The following MYO6 variants were observed in gnomAD, a reference collection of about 807,000 sequenced individuals.
The protein encoded by MYO6 is myosin VI.
MYO6 carries 74 observed loss-of-function variants against 178.7 expected under a neutral mutation model. The observed-to-expected ratio is 0.41, with a 90% CI of 0.34 to 0.50. The LOEUF (loss-of-function observed/expected upper bound fraction) is 0.50. Among genes scored for constraint, MYO6 ranks in the 20% least tolerant of loss-of-function variants. The pLI, the probability that MYO6 is intolerant of heterozygous loss-of-function variation, is 0.09. For missense variants in MYO6, 1,330 were observed against 1,547.4 expected (o/e 0.86, Z 2.36); for synonymous variants, 477 against 504.6 (o/e 0.95, Z 0.73).
intron 30 of MYO6, among the ~76,000 whole-genome samples, chr6:75,905,302 C>T (rs1008924996): frequency 9.8e-5 from 15 of 152,314 alleles, no homozygotes; most frequent in African/African-American, 2.4e-4. Context: ...TGGGCAATGG[C>T]GGGCGCCCCT....
At chr6:75,907,429 T>C (rs1033127863) in intron 30 of MYO6, among the ~76,000 whole-genome samples, 176 bp from the exon 31 acceptor site, 1 of 152,232 alleles carries the variant, frequency 6.6e-6, no homozygotes, top group African/African-American at 2.4e-5. Flanking sequence ...AAATTTTTAA[T>C]TTATTTGGCC....
chr6:75,813,923 TC>T (rs911020234), intron 1 of MYO6, among the ~76,000 whole-genome samples: 4 of 152,062 alleles, frequency 2.6e-5, no homozygotes, highest in African/African-American at 9.7e-5. Context: ...CAAGACAAAG[TC>T]CCCTTTACCC....
intron 30 of MYO6, among the ~76,000 whole-genome samples, 172 bp from the exon 31 acceptor site, chr6:75,907,433 T>C (rs1780414839): frequency 6.6e-6 from 1 of 152,202 alleles, no homozygotes; most frequent in East Asian, 1.9e-4. Context: ...TTTTAATTTA[T>C]TTGGCCATCT....
In MYO6 at chr6:75,918,110, T is replaced by C. The variant is rs1781220048; in HGVS notation, c.*3098T>C. The C allele has an allele frequency of 1.3e-5, 2 of 152,240 alleles. No individual in the cohort carries two copies. Among genetic ancestry groups the C allele is most frequent in the Admixed American group, 6.5e-5 (1 of 15,286 alleles). The allele number at this position is 152,240 out of a possible 1,614,324, so 9.4% of individuals were successfully genotyped here. Reference sequence around the variant, plus strand: ...AAAAAGAACCAAAACAAACACTTTTTAGTGGCACCTGTGGATTTACAAAGG... The same window carrying C: ...AAAAAGAACCAAAACAAACACTTTTCAGTGGCACCTGTGGATTTACAAAGG... On this transcript the variant is annotated 3_prime_UTR_variant, in exon 35 of 35. Coordinates refer to ENST00000369977, the MANE Select transcript of MYO6 (RefSeq NM_004999.4).
intron 30 of MYO6, 50 bp downstream of exon 30, chr6:75,898,461 T>A: frequency 6.8e-7 from 1 of 1,462,664 alleles, no homozygotes; most frequent in Non-Finnish European, 9.6e-7. Flanking sequence ...AAAATCATAT[T>A]TTTAAATTAC....
intron 1 of MYO6, among the ~76,000 whole-genome samples, chr6:75,814,244 C>T (rs1365648569): frequency 6.6e-6 from 1 of 152,162 alleles, no homozygotes; most frequent in Admixed American, 6.5e-5. Flanking sequence ...TGTAGATTCT[C>T]TCACCATACC....
At chr6:75,857,806 G>A (rs1025350761) in intron 13 of MYO6, among the ~76,000 whole-genome samples, 3 of 152,176 alleles carry the variant, frequency 2.0e-5, no homozygotes, top group Non-Finnish European at 4.4e-5. Context: ...AATGAAATGG[G>A]TCACCAGCAT....
intron 7 of MYO6, among the ~76,000 whole-genome samples, chr6:75,837,560 A>G (rs922587082): frequency 1.3e-5 from 2 of 152,228 alleles, no homozygotes; most frequent in African/African-American, 4.8e-5. Context: ...TGGTTGAACA[A>G]AAACTTATTA....
chr6:75,835,983 C>T (rs200958076), intron 7 of MYO6, 27 bp downstream of exon 7: 96 of 1,512,080 alleles, frequency 6.3e-5, no homozygotes, highest in Middle Eastern at 5.1e-4. Flanking sequence ...AGTTGTTACG[C>T]GTGTACTGAA....
chr6:75,804,943 ATACACATATG>A (rs1309881318), intron 1 of MYO6, among the ~76,000 whole-genome samples: 1 of 147,336 alleles, frequency 6.8e-6, no homozygotes, highest in African/African-American at 2.5e-5. Flanking sequence ...ATATACATAT[ATACACATATG>A]TACACATATA....
intron 4 of MYO6, 117 bp downstream of exon 4, chr6:75,828,730 T>G: frequency 1.3e-6 from 1 of 754,444 alleles, no homozygotes; most frequent in South Asian, 1.5e-5. Flanking sequence ...CTGAGCCTCT[T>G]GAATAGAGTG....
At chr6:75,784,171 C>T (rs1033573823) in intron 1 of MYO6, among the ~76,000 whole-genome samples, 29 of 151,928 alleles carry the variant, frequency 1.9e-4, no homozygotes, top group African/African-American at 7.0e-4. Flanking sequence ...CGGGGTTTCA[C>T]CGTGTTAGCC....
intron 25 of MYO6, 127 bp from the exon 26 acceptor site, chr6:75,889,930 C>A (rs200974009): frequency 0.016 from 10,019 of 608,302 alleles, 1 homozygote; most frequent in Middle Eastern, 0.029. Context: ...TTGTAAAAAA[C>A]AATAAAAACA....
chr6:75,913,920 CAATA>C (rs1444747673), intron 33 of MYO6, 139 bp from the exon 34 acceptor site: 1 of 669,338 alleles, frequency 1.5e-6, no homozygotes, highest in African/African-American at 1.8e-5. Context: ...AATTTGTAGG[CAATA>C]AATATTTTCA....
Position 75,907,615 on chromosome 6 carries a change from G to C in MYO6, c.3187G>C (p.Val1063Leu). 6.2e-7 allele frequency: 1 copy of C among 1,612,612 alleles called. No individual in the cohort carries two copies. Among genetic ancestry groups the C allele is most frequent in the East Asian group, 2.2e-5 (1 of 44,840 alleles). ...GTGTAATAATTACAGAGGTCCTGCT[G>C]TACTAGCCACCAAAGCAGCTGCTGG... ...MSEFLSRGPAVLATKAAAGTK... is the reference protein window; with the variant it reads ...MSEFLSRGPALLATKAAAGTK... The change falls in exon 31 of 35, where the codon GTA (valine) becomes CTA (leucine). Residue 1063 changes from valine to leucine, a missense_variant. Physicochemically the swap from Val to Leu is conservative, Grantham distance 32. Coordinates refer to ENST00000369977, the MANE Select transcript of MYO6 (RefSeq NM_004999.4).
intron 28 of MYO6, chr6:75,894,756 A>G: frequency 6.5e-6 from 8 of 1,225,466 alleles, no homozygotes; most frequent in Non-Finnish European, 7.9e-6. Context: ...TGTGTTAAAA[A>G]ATGTATATAT....
chr6:75,827,909 T>C (rs986437098), intron 3 of MYO6, among the ~76,000 whole-genome samples: 3 of 152,138 alleles, frequency 2.0e-5, no homozygotes, highest in Admixed American at 6.5e-5. Flanking sequence ...TAGCAAGGCA[T>C]AGAAATGGAG....
In MYO6 at chr6:75,916,962, G is replaced by A. The variant is rs1781155389; in HGVS notation, c.*1950G>A. ...ATGTTTCTAATCATGTCACACAGCT[G>A]TCCTAGAACTTATCTATTTAAAATA... On this transcript the variant is annotated 3_prime_UTR_variant, in exon 35 of 35. Transcript: ENST00000369977. 6.6e-6 allele frequency: 1 copy of A among 152,212 alleles called. No homozygotes were observed. Among genetic ancestry groups the A allele is most frequent in the African/African-American group, 2.4e-5 (1 of 41,448 alleles). The allele number at this position is 152,212 out of a possible 1,614,324, so 9.4% of individuals were successfully genotyped here.
intron 18 of MYO6, among the ~76,000 whole-genome samples, chr6:75,869,057 T>C (rs916943970): frequency 1.3e-5 from 2 of 150,934 alleles, no homozygotes; most frequent in African/African-American, 4.9e-5. Context: ...TCTGTTCTTT[T>C]GACTTTATCT....
Sources: allele counts gnomAD v4.1 joint callset (sites outside exome capture counted in the v4.1 genomes callset), GRCh38; gene constraint gnomAD v4.1.1; transcripts MANE v1.5; gene names NCBI Gene and HGNC (gene_info 2026-07-23, HGNC 2026-07-21).